Variants in KCNQ1 observed in about 807,000 individuals in gnomAD.
KCNQ1 encodes potassium voltage-gated channel subfamily KQT member 1.
In KCNQ1, 49 loss-of-function variants were observed where a neutral mutation model predicts 72.4. The observed-to-expected ratio is 0.68, with a 90% CI of 0.54 to 0.86. KCNQ1 has a LOEUF of 0.86. Among genes scored for constraint, KCNQ1 ranks in the 40% least tolerant of loss-of-function variants. The pLI is 0.00. For missense variants in KCNQ1, 790 were observed against 945.1 expected (o/e 0.84, Z 2.15); for synonymous variants, 450 against 412.6 (o/e 1.09, Z -1.10).
rs919703121 is a variant in KCNQ1, at chr11:2,447,918, C to T, written c.386+2434C>T. Among the ~76,000 whole-genome samples the T allele has an allele frequency of 2.0e-5, 3 of 152,204 alleles. No homozygotes were observed. Among genetic ancestry groups the T allele is most frequent in the Non-Finnish European group, 2.9e-5 (2 of 68,006 alleles). ...ATCCTGTCCCCTCCTCGGGGAACCC[C>T]CCCTCCCCAGGAGAGCAGCTCTTCC... On this transcript the variant is annotated intron_variant, in intron 1 of 15. Transcript: ENST00000155840. The surrounding 1 kb of genome is among the most constrained non-coding windows in gnomAD (Gnocchi z 7.6).
chr11:2,591,973 T>C (rs58833300), intron 10 of KCNQ1, among the ~76,000 whole-genome samples: 4,823 of 152,274 alleles, frequency 0.032, 191 homozygotes, highest in African/African-American at 0.088. Context: ...CAGATGCCAC[T>C]CCTGGGGAAG....
intron 10 of KCNQ1, chr11:2,622,147 C>A (rs7939222): frequency 0.89 from 355,563 of 398,258 alleles, 158,970 homozygotes; most frequent in East Asian, 0.99. Context: ...ACTGAAAGTA[C>A]GTTATTGAAG....
intron 11 of KCNQ1, chr11:2,688,916 C>T (rs992164464): frequency 1.3e-5 from 5 of 398,822 alleles, no homozygotes; most frequent in Admixed American, 4.4e-5. Context: ...GGCCACCCCA[C>T]ACAGGCCTGT....
rs375327141 is a variant in KCNQ1, at chr11:2,742,789, G to A, written c.1515-26055G>A. 2.4e-4 allele frequency among the ~76,000 whole-genome samples: 37 copies of A among 152,308 alleles called. No homozygotes were observed. In the South Asian group the frequency reaches 4.8e-3, roughly 20 times the overall value. ...GGGCCCGCTGTGGCCTCCTCTGCAC[G>A]GCTGCTGAGGGAATGCAGGTCAAAC... On this transcript the variant is annotated intron_variant, in intron 11 of 15. Coordinates refer to ENST00000155840, the MANE Select transcript of KCNQ1 (RefSeq NM_000218.3).
At chr11:2,705,443 A>C (rs1194241995) in intron 11 of KCNQ1, among the ~76,000 whole-genome samples, 1 of 152,244 alleles carries the variant, frequency 6.6e-6, no homozygotes, top group East Asian at 1.9e-4. Flanking sequence ...CTGTCTCCTG[A>C]GCACCTGCTT....
intron 11 of KCNQ1, among the ~76,000 whole-genome samples, chr11:2,717,202 C>T (rs1448473067): frequency 6.6e-6 from 1 of 152,192 alleles, no homozygotes; most frequent in East Asian, 1.9e-4. Flanking sequence ...CTGGGCCTGG[C>T]ATGGTGTCCC....
At chr11:2,531,916 T>A (rs1304957444) in intron 2 of KCNQ1, among the ~76,000 whole-genome samples, 1 of 152,210 alleles carries the variant, frequency 6.6e-6, no homozygotes, top group Non-Finnish European at 1.5e-5. Context: ...TAGGCTACAT[T>A]CCCCAAGGTG....
At chr11:2,666,826 T>G (rs1850079763) in intron 11 of KCNQ1, 3 of 398,608 alleles carry the variant, frequency 7.5e-6, no homozygotes, top group Admixed American at 4.4e-5. Flanking sequence ...AGAAAGGACA[T>G]TCTGGGAACC....
chr11:2,715,317 CTG>C lies in KCNQ1; in HGVS notation c.1514+53240_1514+53241del, dbSNP rs768490141. Among the ~76,000 whole-genome samples the C allele has an allele frequency of 2.5e-4, 38 of 152,262 alleles. No individual in the cohort carries two copies. Among genetic ancestry groups the C allele is most frequent in the Non-Finnish European group, 4.9e-4 (33 of 68,012 alleles). ...AAGGGAACCTGTAAAGACCTGCGGGCTGTGTCATGGAGGGCCCTTACCCCGGA... is the reference window on the plus strand; with the variant it reads ...AAGGGAACCTGTAAAGACCTGCGGGCTGTCATGGAGGGCCCTTACCCCGGA... On this transcript the variant is annotated intron_variant, in intron 11 of 15. Coordinates refer to ENST00000155840, the MANE Select transcript of KCNQ1 (RefSeq NM_000218.3). The surrounding 1 kb of genome is among the most constrained non-coding windows in gnomAD (Gnocchi z 4.9).
At chr11:2,722,935 C>T (rs1013645965) in intron 11 of KCNQ1, among the ~76,000 whole-genome samples, 4 of 152,186 alleles carry the variant, frequency 2.6e-5, no homozygotes, top group African/African-American at 9.7e-5. Context: ...ACTCCCAGGA[C>T]CAACTGGCAG....
At chr11:2,528,625 C>A (rs763605924) in intron 2 of KCNQ1, among the ~76,000 whole-genome samples, 20 of 152,234 alleles carry the variant, frequency 1.3e-4, no homozygotes, top group Admixed American at 2.6e-4. Flanking sequence ...CCACGGGGTC[C>A]CCACGGAAGC....
At chr11:2,688,579 T>C in intron 11 of KCNQ1, 1 of 398,676 alleles carries the variant, frequency 2.5e-6, no homozygotes, top group Non-Finnish European at 4.4e-6. Context: ...TAGCAGCCAG[T>C]GCTCGCTCAC....
rs1001230126 is a variant in KCNQ1 at position 2,588,013 on chromosome 11, G to A, written c.1251+321G>A. ...CAGGGTTGGGCTTTCCACACCGGGC[G>A]CAGTGGGTGGTGAGCAGTGGGCAGG... On this transcript the variant is annotated intron_variant, in intron 9 of 15. Transcript: ENST00000155840. The surrounding 1 kb of genome is among the most constrained non-coding windows in gnomAD (Gnocchi z 5.6). Among the ~76,000 whole-genome samples the A allele has an allele frequency of 5.9e-5, 9 of 152,104 alleles. No individual in the cohort carries two copies. The highest frequency in any genetic ancestry group is 5.8e-4 in the East Asian group (3 of 5,154).
intron 15 of KCNQ1, among the ~76,000 whole-genome samples, chr11:2,805,691 G>C (rs530481591): frequency 1.3e-5 from 2 of 152,340 alleles, no homozygotes; most frequent in East Asian, 3.9e-4. Flanking sequence ...AAGCGTGCTA[G>C]CCCTTGCTCT....
chr11:2,673,947 G>C lies in KCNQ1; in HGVS notation c.1514+11866G>C, dbSNP rs1850237080. ...AGGGAGTGTGTCTCTTTCCCCATGA[G>C]TGACAGCAGCCACAAGGGGATGCCC... On this transcript the variant is annotated intron_variant, in intron 11 of 15. Coordinates refer to ENST00000155840, the MANE Select transcript of KCNQ1 (RefSeq NM_000218.3). This position sits in a 1 kb window ranked among gnomAD's most constrained non-coding sequence, Gnocchi z 4.5. 9.7e-6 allele frequency: 2 copies of C among 206,970 alleles called. No individual in the cohort carries two copies. Among genetic ancestry groups the C allele is most frequent in the South Asian group, 3.6e-4 (2 of 5,576 alleles). 12.8% of individuals were successfully genotyped at this position (206,970 alleles called of 1,614,324 possible).
rs1847602640 is a variant in KCNQ1 at position 2,815,890 on chromosome 11, G to A, written c.1795-31877G>A. ...TCCAGGCTGTATCTAACAGCTGCCT[G>A]TGCCGAAAAATTAAGCACCGCTGAG... On this transcript the variant is annotated intron_variant, in intron 15 of 15. Transcript: ENST00000155840. The surrounding 1 kb of genome is among the most constrained non-coding windows in gnomAD (Gnocchi z 5.4). Among the ~76,000 whole-genome samples, 1 of 152,176 alleles carries A rather than the reference G, an allele frequency of 6.6e-6. No homozygotes were observed. Among genetic ancestry groups the A allele is most frequent in the Admixed American group, 6.5e-5 (1 of 15,284 alleles).
At position 2,766,786 on chromosome 11, in the gene KCNQ1, T is replaced by A. The variant is rs963205246; in HGVS notation, c.1515-2058T>A. Among the ~76,000 whole-genome samples, 5 of 152,256 alleles carry A rather than the reference T, an allele frequency of 3.3e-5. No homozygotes were observed. The highest frequency in any genetic ancestry group is 4.4e-5 in the Non-Finnish European group (3 of 68,044). On this transcript the variant is annotated intron_variant, in intron 11 of 15. Coordinates refer to ENST00000155840, the MANE Select transcript of KCNQ1 (RefSeq NM_000218.3). The surrounding 1 kb of genome is among the most constrained non-coding windows in gnomAD (Gnocchi z 4.4). ...TGTCCCAAAATTAATGCTGTAAGTT[T>A]TAGGATATTGATATGACATTACCTA...
Position 2,642,468 on chromosome 11 carries a change from G to T in KCNQ1, c.1394-19493G>T. On this transcript the variant is annotated intron_variant, in intron 10 of 15. Coordinates refer to ENST00000155840, the MANE Select transcript of KCNQ1 (RefSeq NM_000218.3). This position sits in a 1 kb window ranked among gnomAD's most constrained non-coding sequence, Gnocchi z 4.3. ...ATCCTGTAACTGTAATCAATTTATT[G>T]ATCAGACTGAAGAGTTTTGATTTTT... The T allele has an allele frequency of 2.5e-6, 1 of 397,932 alleles. No homozygotes were observed. The allele number at this position is 397,932 out of a possible 1,614,324, so 24.7% of individuals were successfully genotyped here. A position where few individuals can be genotyped will look rare whatever the true frequency, so the allele number is the denominator to read the frequency against.
intron 15 of KCNQ1, among the ~76,000 whole-genome samples, chr11:2,843,844 T>A (rs780668030): frequency 6.6e-6 from 1 of 152,232 alleles, no homozygotes; most frequent in South Asian, 2.1e-4. Flanking sequence ...TTATGGTTAT[T>A]AATTTGGTGA....
Sources: allele counts gnomAD v4.1 joint callset (sites outside exome capture counted in the v4.1 genomes callset), GRCh38; gene constraint gnomAD v4.1.1; non-coding constraint Gnocchi (gnomAD v3.1); transcripts MANE v1.5; gene names NCBI Gene and HGNC (gene_info 2026-07-23, HGNC 2026-07-21).